The following MNAT1 variants were observed in gnomAD, a reference collection of about 807,000 sequenced individuals.
MNAT1 encodes CDK-activating kinase assembly factor MAT1.
Under a neutral mutation model 42.0 loss-of-function variants are expected in MNAT1, and 43 were observed. The observed-to-expected ratio is 1.02, with a 90% confidence interval of 0.80 to 1.32. The LOEUF is 1.32. Ranked by LOEUF, MNAT1 falls within the 40% of genes most tolerant of loss-of-function variation. The pLI, the probability that MNAT1 is intolerant of heterozygous loss-of-function variation, is 0.00. For missense variants in MNAT1, 306 were observed against 350.4 expected, an observed-to-expected ratio of 0.87 and a Z score of 1.01; for synonymous variants, 118 against 120.0, an observed-to-expected ratio of 0.98 and a Z score of 0.11.
intron 7 of MNAT1, among the ~76,000 whole-genome samples, chr14:60,893,866 G>C (rs1248192612): frequency 1.3e-5 from 2 of 152,066 alleles, no homozygotes; most frequent in Non-Finnish European, 2.9e-5. Context: ...GTGGGAAGAA[G>C]GTTTTTCTTG....
chr14:60,784,622 G>A (rs1243339196), intron 1 of MNAT1, among the ~76,000 whole-genome samples: 2 of 151,278 alleles, frequency 1.3e-5, no homozygotes, highest in East Asian at 2.0e-4. Flanking sequence ...ACAGTTGCCC[G>A]CCACTGTGCC....
At chr14:60,804,927 A>G (rs1438022543) in intron 3 of MNAT1, among the ~76,000 whole-genome samples, 7 of 152,210 alleles carry the variant, frequency 4.6e-5, no homozygotes, top group Non-Finnish European at 1.0e-4. Flanking sequence ...CTAGTTTGCT[A>G]ATAAACAGTG....
intron 6 of MNAT1, among the ~76,000 whole-genome samples, chr14:60,845,602 T>C (rs1208844976): frequency 6.6e-6 from 1 of 152,090 alleles, no homozygotes; most frequent in Admixed American, 6.5e-5. Flanking sequence ...TTTAGTAATA[T>C]TAAAGAGATC....
intron 7 of MNAT1, among the ~76,000 whole-genome samples, chr14:60,897,532 G>A (rs895564267): frequency 1.3e-5 from 2 of 151,944 alleles, no homozygotes; most frequent in African/African-American, 4.8e-5. Context: ...TTTAAGGTGT[G>A]TATTCTTAAA....
chr14:60,912,794 G>T (rs142630441), intron 7 of MNAT1, among the ~76,000 whole-genome samples: 17 of 152,192 alleles, frequency 1.1e-4, no homozygotes, highest in Admixed American at 1.0e-3. Context: ...GAATCTGACA[G>T]TTATGTGTCT....
At chr14:60,887,677 T>G (rs1018683119) in intron 7 of MNAT1, among the ~76,000 whole-genome samples, 13 of 151,560 alleles carry the variant, frequency 8.6e-5, no homozygotes. Flanking sequence ...TTTGAAAGGA[T>G]CCACAAAATT....
chr14:60,845,306 T>G (rs1277031348), intron 6 of MNAT1, among the ~76,000 whole-genome samples: 1 of 152,024 alleles, frequency 6.6e-6, no homozygotes, highest in African/African-American at 2.4e-5. Context: ...ACTCAGCTTT[T>G]CTCTATTTTT....
intron 7 of MNAT1, among the ~76,000 whole-genome samples, chr14:60,882,073 A>G (rs571863601): frequency 7.9e-5 from 12 of 152,310 alleles, no homozygotes; most frequent in African/African-American, 2.6e-4. Context: ...AGGCAGGAGA[A>G]TCACTTGAAC....
intron 7 of MNAT1, among the ~76,000 whole-genome samples, chr14:60,912,658 C>T (rs1566552523): frequency 6.6e-6 from 1 of 152,344 alleles, no homozygotes; most frequent in African/African-American, 2.4e-5. Flanking sequence ...CCCCCACTGT[C>T]TTCTGGCTTG....
At position 60,760,329 on chromosome 14, in the gene MNAT1, AT is replaced by A. The variant is rs908804378; in HGVS notation, c.89+25387del. On this transcript the variant is annotated intron_variant, in intron 1 of 7. Transcript: ENST00000261245. ...TATGAAATTTTGATAGCTCTTTCTAATTTTTTTTTAAAGTGCACTGGTTAAT... is the reference window on the plus strand; with the variant it reads ...TATGAAATTTTGATAGCTCTTTCTAATTTTTTTTAAAGTGCACTGGTTAAT... Among the ~76,000 whole-genome samples the A allele has an allele frequency of 1.4e-3, 211 of 151,430 alleles. 1 individual carries two copies. The highest frequency in any genetic ancestry group is 4.5e-3 in the African/African-American group (185 of 41,304).
chr14:60,912,717 C>A (rs1237129559), intron 7 of MNAT1, among the ~76,000 whole-genome samples: 1 of 152,168 alleles, frequency 6.6e-6, no homozygotes, highest in East Asian at 1.9e-4. Context: ...ATGGGCTTCC[C>A]TTTTTGGGTA....
chr14:60,772,007 G>A (rs2140307672), intron 1 of MNAT1, among the ~76,000 whole-genome samples: 1 of 152,286 alleles, frequency 6.6e-6, no homozygotes, highest in Non-Finnish European at 1.5e-5. Flanking sequence ...GCTTTCAGTT[G>A]TACTGGAAGG....
chr14:60,777,989 C>T (rs2031312514), intron 1 of MNAT1, among the ~76,000 whole-genome samples: 1 of 152,180 alleles, frequency 6.6e-6, no homozygotes, highest in African/African-American at 2.4e-5. Flanking sequence ...TTGGCAACAA[C>T]TGAAGGAATG....
intron 6 of MNAT1, among the ~76,000 whole-genome samples, chr14:60,868,011 C>T (rs922500633): frequency 5.9e-5 from 9 of 152,076 alleles, no homozygotes; most frequent in Admixed American, 3.9e-4. Context: ...GCTGACATCA[C>T]CCTATAATGA....
At chr14:60,798,312 G>A (rs2139330276) in intron 3 of MNAT1, 152 bp downstream of exon 3, 1 of 508,960 alleles carries the variant, frequency 2.0e-6, no homozygotes. Flanking sequence ...CTTGAGTCAT[G>A]TTTGTCAAAT....
intron 1 of MNAT1, among the ~76,000 whole-genome samples, chr14:60,780,967 A>G (rs1054499395): frequency 2.0e-5 from 3 of 152,212 alleles, no homozygotes; most frequent in African/African-American, 7.2e-5. Context: ...GTAGGGAGAT[A>G]TTTAATTATA....
At chr14:60,762,337 A>T (rs1419358749) in intron 1 of MNAT1, among the ~76,000 whole-genome samples, 1 of 152,160 alleles carries the variant, frequency 6.6e-6, no homozygotes, top group African/African-American at 2.4e-5. Context: ...ATGATGGATT[A>T]TAGGTGGTTT....
chr14:60,921,881 A>C (rs1000730458), intron 7 of MNAT1, among the ~76,000 whole-genome samples: 4 of 152,174 alleles, frequency 2.6e-5, no homozygotes. Context: ...CCATATTTAC[A>C]CAACTCAATA....
At chr14:60,839,133 A>G (rs1229387751) in intron 6 of MNAT1, among the ~76,000 whole-genome samples, 2 of 152,150 alleles carry the variant, frequency 1.3e-5, no homozygotes, top group African/African-American at 4.8e-5. Flanking sequence ...CAAGCCAGGA[A>G]CAGTCTGAAG....
Sources: allele counts gnomAD v4.1 joint callset (sites outside exome capture counted in the v4.1 genomes callset), GRCh38; gene constraint gnomAD v4.1.1; transcripts MANE v1.5; gene names NCBI Gene and HGNC (gene_info 2026-07-23, HGNC 2026-07-21).